The following EREG variants were observed in gnomAD, a reference collection of about 807,000 sequenced individuals.
EREG encodes epiregulin, also known as proepiregulin.
Under a neutral mutation model 22.4 loss-of-function variants are expected in EREG, and 23 were observed. The ratio of observed to expected loss-of-function variants is 1.03; its 90% CI spans 0.74 to 1.46. The LOEUF is 1.46. EREG is among the 40% of genes most tolerant of loss of function. The probability of loss-of-function intolerance (pLI) is 0.00; values close to 1 mark genes in which losing one functional copy is unlikely to be tolerated. For missense variants in EREG, 226 were observed against 205.9 expected, an observed-to-expected ratio of 1.10 and a Z score of -0.60; for synonymous variants, 100 against 75.4, an observed-to-expected ratio of 1.33 and a Z score of -1.69.
chr4:74,378,278 T>C (rs1430749381), intron 1 of EREG, among the ~76,000 whole-genome samples: 1 of 152,078 alleles, frequency 6.6e-6, no homozygotes, highest in African/African-American at 2.4e-5. Context: ...TAGGAAGTCA[T>C]TCTAGTTATC....
intron 4 of EREG, among the ~76,000 whole-genome samples, chr4:74,384,310 G>T (rs1185943700): frequency 6.6e-6 from 1 of 152,118 alleles, no homozygotes; most frequent in African/African-American, 2.4e-5. Context: ...ATTTTGATTA[G>T]TGATAGCATT....
intron 1 of EREG, among the ~76,000 whole-genome samples, chr4:74,377,345 A>G (rs1248880861): frequency 6.6e-6 from 1 of 152,296 alleles, no homozygotes; most frequent in East Asian, 1.9e-4. Context: ...ACTCTACTTC[A>G]ATTACAGCTA....
chr4:74,384,865 T>C lies in EREG; in HGVS notation c.*57T>C. ...CAGTGTGCCTGGTTAATATTAATAT[T>C]CCCATTTTATTAATAATATTTATGT... On this transcript the variant is annotated 3_prime_UTR_variant, in exon 5 of 5. Transcript: ENST00000244869. 1.1e-6 allele frequency: 1 copy of C among 942,546 alleles called. No homozygotes were observed. Among genetic ancestry groups the C allele is most frequent in the Non-Finnish European group, 1.7e-6 (1 of 592,132 alleles). The allele number at this position is 942,546 out of a possible 1,614,324, so 58.4% of individuals were successfully genotyped here.
intron 1 of EREG, among the ~76,000 whole-genome samples, chr4:74,378,302 C>A (rs1409329457): frequency 6.6e-6 from 1 of 152,064 alleles, no homozygotes; most frequent in Non-Finnish European, 1.5e-5. Flanking sequence ...CACCCTAGGC[C>A]AATAAGCACC....
intron 3 of EREG, chr4:74,381,848 A>G (rs1226285803): frequency 2.7e-5 from 4 of 149,226 alleles, no homozygotes; most frequent in Admixed American, 6.8e-5. Context: ...AGCCAGGGGT[A>G]GTGGCGGACG....
chr4:74,377,235 C>T (rs1752397795), intron 1 of EREG, among the ~76,000 whole-genome samples: 2 of 151,892 alleles, frequency 1.3e-5, no homozygotes. Flanking sequence ...AATTAACACC[C>T]AGAAAAGTAA....
chr4:74,370,298 T>C (rs1752268597), intron 1 of EREG, among the ~76,000 whole-genome samples: 1 of 152,202 alleles, frequency 6.6e-6, no homozygotes. Context: ...GCTATAGTCA[T>C]CTTTTATCAT....
At chr4:74,382,151 A>G (rs1217920735) in intron 3 of EREG, 1 of 152,608 alleles carries the variant, frequency 6.6e-6, no homozygotes, top group Non-Finnish European at 1.5e-5. Flanking sequence ...CTAAAAATAC[A>G]AAAATTAGCG....
chr4:74,372,273 T>C (rs1752303698), intron 1 of EREG, among the ~76,000 whole-genome samples: 1 of 152,248 alleles, frequency 6.6e-6, no homozygotes, highest in South Asian at 2.1e-4. Flanking sequence ...TTGTATTATG[T>C]GGGTTCTCTG....
chr4:74,382,593 A>T, intron 3 of EREG, 52 bp from the exon 4 acceptor site: 1 of 1,459,888 alleles, frequency 6.8e-7, no homozygotes, highest in Non-Finnish European at 9.3e-7. Flanking sequence ...ATTCATAACC[A>T]TGATTTCCTT....
At position 74,365,303 on chromosome 4, in the gene EREG, T is replaced by A. The variant is rs770015977; in HGVS notation, c.-6T>A. 3 of 1,602,764 alleles carry A rather than the reference T, an allele frequency of 1.9e-6. No homozygotes were observed. The highest frequency in any genetic ancestry group is 2.7e-5 in the African/African-American group (2 of 75,006). Reference sequence around the variant, plus strand: ...CGCCAAGCCCCAGCGCCCGCTCCCATCGCCGATGACCGCGGGGAGGAGGAT... The same window carrying A: ...CGCCAAGCCCCAGCGCCCGCTCCCAACGCCGATGACCGCGGGGAGGAGGAT... On this transcript the variant is annotated 5_prime_UTR_variant, in exon 1 of 5. Transcript: ENST00000244869.
At chr4:74,375,242 A>C (rs1490528865) in intron 1 of EREG, among the ~76,000 whole-genome samples, 1 of 151,532 alleles carries the variant, frequency 6.6e-6, no homozygotes, top group Non-Finnish European at 1.5e-5. Context: ...CATTAAGGAA[A>C]TATATGCATG....
At chr4:74,377,795 A>C (rs1298576108) in intron 1 of EREG, among the ~76,000 whole-genome samples, 1 of 152,080 alleles carries the variant, frequency 6.6e-6, no homozygotes, top group East Asian at 1.9e-4. Flanking sequence ...AAACCATCAG[A>C]TCTCATGAGA....
At chr4:74,371,825 T>G (rs527804537) in intron 1 of EREG, among the ~76,000 whole-genome samples, 3 of 152,094 alleles carry the variant, frequency 2.0e-5, no homozygotes, top group Admixed American at 6.5e-5. Context: ...GTCCTGCCTA[T>G]GTCTCCTCCT....
rs953476801 is a variant in EREG at position 74,384,899 on chromosome 4, G to C, written c.*91G>C. On this transcript the variant is annotated 3_prime_UTR_variant, in exon 5 of 5. Coordinates refer to ENST00000244869, the MANE Select transcript of EREG (RefSeq NM_001432.3). The stretch of plus-strand genomic sequence containing the variant: ...ATTAATAATATTTATGTTGGGTCAA[G>C]TGTTAGGTCAATAACACTGTATTTT... 2.7e-6 allele frequency: 2 copies of C among 733,366 alleles called. No homozygotes were observed. Among genetic ancestry groups the C allele is most frequent in the Non-Finnish European group, 4.6e-6 (2 of 432,030 alleles). 45.4% of individuals were successfully genotyped at this position (733,366 alleles called of 1,614,324 possible).
chr4:74,375,997 G>A (rs1383925932), intron 1 of EREG, among the ~76,000 whole-genome samples: 1 of 152,166 alleles, frequency 6.6e-6, no homozygotes, highest in African/African-American at 2.4e-5. Context: ...CCAAGGGAGC[G>A]TCACGAGTAA....
At chr4:74,378,121 C>T (rs1022848304) in intron 1 of EREG, among the ~76,000 whole-genome samples, 1 of 152,198 alleles carries the variant, frequency 6.6e-6, no homozygotes, top group Non-Finnish European at 1.5e-5. Context: ...CAGGTTGATT[C>T]AAACTCTTCC....
intron 1 of EREG, among the ~76,000 whole-genome samples, chr4:74,365,797 G>GT (rs1443494920): frequency 6.6e-6 from 1 of 151,866 alleles, no homozygotes; most frequent in Non-Finnish European, 1.5e-5. Context: ...TTTTTTGGAG[G>GT]GGGGAAAAAG....
At chr4:74,373,944 T>G (rs1194548026) in intron 1 of EREG, among the ~76,000 whole-genome samples, 1 of 152,170 alleles carries the variant, frequency 6.6e-6, no homozygotes, top group Non-Finnish European at 1.5e-5. Context: ...TGAAGGCATA[T>G]TCACTCCTTA....
Sources: gnomAD v4.1 joint callset for allele counts (sites outside exome capture counted in the v4.1 genomes callset) on GRCh38, gnomAD v4.1.1 for gene constraint, MANE v1.5 for transcripts, NCBI Gene and HGNC (gene_info 2026-07-23, HGNC 2026-07-21) for gene names.